The following SYNJ2 variants were observed in gnomAD, a reference collection of about 807,000 sequenced individuals.
SYNJ2 encodes the protein synaptojanin 2.
Under a neutral mutation model 141.3 loss-of-function variants are expected in SYNJ2, and 116 were observed. The ratio of observed to expected loss-of-function variants is 0.82; its 90% CI spans 0.71 to 0.96. SYNJ2 has a LOEUF of 0.96. SYNJ2 is among the 40% of genes least tolerant of loss of function. The pLI, the probability that SYNJ2 is intolerant of heterozygous loss-of-function variation, is 0.00. For synonymous variants in SYNJ2, 745 were observed against 777.7 expected, an observed-to-expected ratio of 0.96 and a Z score of 0.70; for missense variants, 1,873 against 1,934.8, an observed-to-expected ratio of 0.97 and a Z score of 0.60.
At chr6:157,981,689 A>T (rs1197223137), upstream of SYNJ2, among the ~76,000 whole-genome samples, 1 of 151,760 alleles carries the variant, frequency 6.6e-6, no homozygotes, top group African/African-American at 2.4e-5. This position sits in a 1 kb window ranked among gnomAD's most constrained non-coding sequence, Gnocchi z 6.4. Context: ...GGGGAGCCTC[A>T]GCCCCGGGGC....
At chr6:157,997,568 C>G (rs1777682251) in intron 1 of SYNJ2, among the ~76,000 whole-genome samples, 1 of 152,160 alleles carries the variant, frequency 6.6e-6, no homozygotes, top group East Asian at 1.9e-4. Context: ...ACGCCTTGAT[C>G]TTGGATTTCT....
intron 1 of SYNJ2, among the ~76,000 whole-genome samples, chr6:157,992,681 A>C (rs1225021840): frequency 6.6e-6 from 1 of 152,086 alleles, no homozygotes; most frequent in African/African-American, 2.4e-5. Flanking sequence ...TACAGGTGTG[A>C]GCAGGTGTGA....
Position 158,028,953 on chromosome 6 carries a change from T to C in SYNJ2, c.412T>C (p.Ser138Pro), listed in dbSNP as rs1286234416. ...VFYFSWPNDG[S>P]RFDLTVRTQK... ...CTATTTCTCATGGCCAAACGATGGG[T>C]CTCGCTTTGACCTGACTGTCCGCAC... Residue 138 changes from serine to proline, a missense_variant, in exon 3 of 27, where the codon TCT becomes CCT. Physicochemically the swap from Ser to Pro is moderately conservative, Grantham distance 74. Transcript: ENST00000355585. 1 of 1,614,032 alleles carries C rather than the reference T, an allele frequency of 6.2e-7. No homozygotes were observed.
rs766155271 is a variant in SYNJ2 at position 158,081,275 on chromosome 6, C to T, written c.2734C>T (p.Arg912Cys). The change falls in exon 19 of 27, where the codon CGT becomes TGT. Residue 912 changes from arginine to cysteine, a missense_variant. Coordinates refer to ENST00000355585, the MANE Select transcript of SYNJ2 (RefSeq NM_003898.4). ...EEKNEFPEDL[R>C]TELMQTLGSY... ...GAAAAACGAGTTTCCAGAGGACCTG[C>T]GTACTGAGCTCATGCAGACCTTGGG... 21 of 1,614,134 alleles carry T rather than the reference C, an allele frequency of 1.3e-5. No individual in the cohort carries two copies. The highest frequency in any genetic ancestry group is 1.7e-5 in the Admixed American group (1 of 60,016).
chr6:158,073,343 G>C (rs949346994), intron 15 of SYNJ2, among the ~76,000 whole-genome samples: 13 of 141,194 alleles, frequency 9.2e-5, no homozygotes, highest in Admixed American at 2.1e-4. Flanking sequence ...GATTACAGGC[G>C]TGCACCACCA....
chr6:158,091,202 A>G (rs757224625), intron 25 of SYNJ2, among the ~76,000 whole-genome samples: 4 of 151,804 alleles, frequency 2.6e-5, no homozygotes, highest in Non-Finnish European at 5.9e-5. Flanking sequence ...CTGTAGTCCC[A>G]GCTACTCAGG....
chr6:158,004,630 C>G (rs1468116600), intron 1 of SYNJ2, among the ~76,000 whole-genome samples: 1 of 152,206 alleles, frequency 6.6e-6, no homozygotes, highest in African/African-American at 2.4e-5. Context: ...ATACTGCTGC[C>G]CTGCCTATAG....
rs374815372 is a variant in SYNJ2, at chr6:158,081,169, G to A, written c.2628G>A (p.Arg876=). 2 of 1,613,984 alleles carry A rather than the reference G, an allele frequency of 1.2e-6. No homozygotes were observed. The highest frequency in any genetic ancestry group is 1.3e-5 in the African/African-American group (1 of 74,896). The change falls in exon 19 of 27, where the codon AGG becomes AGA. Residue 876 remains arginine, a synonymous_variant. Transcript: ENST00000355585. The part of the protein sequence containing the change: ...VQEVDVGARE[R]VFQEVSSFQG... ...AAGTCGATGTGGGTGCTCGGGAGAG[G>A]GTTTTCCAGGAAGTGTCCTCCTTCC... is the stretch of plus-strand genomic sequence containing the variant.
chr6:158,026,341 C>T (rs1372628257), intron 2 of SYNJ2, among the ~76,000 whole-genome samples: 2 of 152,220 alleles, frequency 1.3e-5, no homozygotes, highest in African/African-American at 2.4e-5. Flanking sequence ...CGCTCTGTCA[C>T]CTTGGGCAGG....
intron 1 of SYNJ2, among the ~76,000 whole-genome samples, chr6:158,003,682 G>A (rs934551437): frequency 6.6e-6 from 1 of 152,204 alleles, no homozygotes; most frequent in Admixed American, 6.5e-5. Flanking sequence ...ATTCAAGAAA[G>A]AAGAGCATGT....
intron 6 of SYNJ2, among the ~76,000 whole-genome samples, chr6:158,057,017 G>T (rs918410892): frequency 2.0e-5 from 3 of 151,960 alleles, no homozygotes; most frequent in African/African-American, 7.3e-5. Context: ...TCACAGGGCG[G>T]TGCCTCAGTC....
At chr6:157,989,916 G>GA (rs35455025) in intron 1 of SYNJ2, among the ~76,000 whole-genome samples, 2 of 152,076 alleles carry the variant, frequency 1.3e-5, no homozygotes, top group Non-Finnish European at 2.9e-5. Context: ...TCTGGGGGGG[G>GA]CTAGGAGGCT....
chr6:158,064,848 C>T lies in SYNJ2; in HGVS notation c.1382C>T (p.Ala461Val). 6.2e-7 allele frequency: 1 copy of T among 1,610,494 alleles called. No homozygotes were observed. Among genetic ancestry groups the T allele is most frequent in the Non-Finnish European group, 8.5e-7 (1 of 1,177,654 alleles). ...KAKVGKLKDG[A>V]RSMSRTIQSN... ...CAGGTGGGGAAGCTGAAGGATGGAG[C>T]CCGGTCCATGTCTCGAACCATCCAG... The change falls in exon 11 of 27, where the codon GCC (alanine) becomes GTC (valine). Residue 461 changes from alanine to valine, a missense_variant. Coordinates refer to ENST00000355585, the MANE Select transcript of SYNJ2 (RefSeq NM_003898.4).
intron 2 of SYNJ2, among the ~76,000 whole-genome samples, chr6:158,020,268 C>T (rs1778694295): frequency 7.1e-6 from 1 of 140,518 alleles, no homozygotes; most frequent in South Asian, 2.2e-4. Context: ...ACTGTGTGAC[C>T]CCCACCTGCG....
rs561026617 is a variant in SYNJ2 at position 157,982,959 on chromosome 6, G to A, written c.127+871G>A. 5.9e-5 allele frequency among the ~76,000 whole-genome samples: 9 copies of A among 152,330 alleles called. No homozygotes were observed. In the East Asian group the frequency reaches 1.7e-3, roughly 29 times the overall value. On this transcript the variant is annotated intron_variant, in intron 1 of 26. Coordinates refer to ENST00000355585, the MANE Select transcript of SYNJ2 (RefSeq NM_003898.4). This position sits in a 1 kb window ranked among gnomAD's most constrained non-coding sequence, Gnocchi z 4.0. ...TAAGGAAAACCTGGGTAGCACCAAA[G>A]CACGTGAAACCAGGTCTGATTGTTA... is the stretch of plus-strand genomic sequence containing the variant.
At chr6:158,015,419 CT>C in intron 1 of SYNJ2, among the ~76,000 whole-genome samples, 1 of 152,298 alleles carries the variant, frequency 6.6e-6, no homozygotes, top group Admixed American at 6.5e-5. Context: ...CCCAAAGCTC[CT>C]TAAGGGCTCT....
intron 2 of SYNJ2, among the ~76,000 whole-genome samples, chr6:158,025,044 G>A (rs780802706): frequency 3.3e-5 from 5 of 152,214 alleles, no homozygotes; most frequent in East Asian, 1.9e-4. Context: ...ACAAAGTTCC[G>A]TAGTAGACGG....
chr6:157,992,401 C>CTTTTTT (rs57905567), intron 1 of SYNJ2, among the ~76,000 whole-genome samples: 4 of 120,350 alleles, frequency 3.3e-5, no homozygotes, highest in Non-Finnish European at 5.5e-5. Context: ...TGGCTTGTTT[C>CTTTTTT]TTTTTTTTTT....
Position 158,033,645 on chromosome 6 carries a change from G to A in SYNJ2, c.676G>A (p.Asp226Asn), listed in dbSNP as rs574864981. 16 of 1,611,976 alleles carry A rather than the reference G, an allele frequency of 9.9e-6. No individual in the cohort carries two copies. The highest frequency in any genetic ancestry group is 1.3e-5 in the African/African-American group (1 of 75,068). ...CTTCCACACCCGTGGCGTGAACGAC[G>A]ACGGCCATGTGTCCAACTTCGTGGA... ...TRFHTRGVNDDGHVSNFVETE... is the reference protein window; with the variant it reads ...TRFHTRGVNDNGHVSNFVETE... Residue 226 changes from aspartate to asparagine, a missense_variant, in exon 4 of 27, where the codon GAC becomes AAC. Asp to Asn is a conservative substitution (Grantham distance 23). Coordinates refer to ENST00000355585, the MANE Select transcript of SYNJ2 (RefSeq NM_003898.4).
Sources: allele counts gnomAD v4.1 joint callset (sites outside exome capture counted in the v4.1 genomes callset), GRCh38; gene constraint gnomAD v4.1.1; non-coding constraint Gnocchi (gnomAD v3.1); transcripts MANE v1.5; gene names NCBI Gene and HGNC (gene_info 2026-07-23, HGNC 2026-07-21).